The following DHRS4L2 variants were observed in gnomAD, a reference collection of about 807,000 sequenced individuals.
The protein encoded by DHRS4L2 is dehydrogenase/reductase SDR family member 4-like 2.
Under a neutral mutation model 23.9 loss-of-function variants are expected in DHRS4L2, and 22 were observed. The observed-to-expected ratio is 0.92, with a 90% CI of 0.66 to 1.31. The LOEUF (loss-of-function observed/expected upper bound fraction) is 1.31, where lower values mean the gene tolerates loss of function less well. Among genes scored for constraint, DHRS4L2 ranks in the 40% most tolerant of loss-of-function variants. The pLI is 0.00. For missense variants in DHRS4L2, 385 were observed against 303.3 expected (o/e 1.27, Z -2.00); for synonymous variants, 141 against 123.7 (o/e 1.14, Z -0.93).
chr14:24,001,270 ACT>A (rs201590472), intron 5 of DHRS4L2, 112 bp from the exon 6 acceptor site: 37,436 of 1,563,890 alleles, frequency 0.024, 1,206 homozygotes, highest in Middle Eastern at 0.04. Flanking sequence ...CAGTTTCCTA[ACT>A]CTGCCCCTCC....
intron 2 of DHRS4L2, among the ~76,000 whole-genome samples, chr14:23,993,137 C>G (rs2034302426): frequency 6.6e-6 from 1 of 150,878 alleles, no homozygotes; most frequent in Non-Finnish European, 1.5e-5. Context: ...TCCTCCCAGC[C>G]CAAACACATG....
chr14:23,981,687 A>G (rs2034056113), intron 1 of DHRS4L2, among the ~76,000 whole-genome samples: 1 of 151,642 alleles, frequency 6.6e-6, no homozygotes. Context: ...TACTATTTTT[A>G]CTATCTCAGC....
At chr14:23,973,466 C>T (rs1292551379) in intron 1 of DHRS4L2, among the ~76,000 whole-genome samples, 2 of 151,912 alleles carry the variant, frequency 1.3e-5, no homozygotes, top group Non-Finnish European at 2.9e-5. Context: ...GCTCCTCAAG[C>T]GTGGCCAGAG....
chr14:23,971,698 TG>T (rs2033861113), intron 1 of DHRS4L2, among the ~76,000 whole-genome samples: 1 of 152,034 alleles, frequency 6.6e-6, no homozygotes, highest in African/African-American at 2.4e-5. Context: ...AAAAGATTTT[TG>T]AAACTAGAAT....
intron 1 of DHRS4L2, among the ~76,000 whole-genome samples, chr14:23,982,748 C>T (rs1465031341): frequency 3.3e-5 from 5 of 150,904 alleles, no homozygotes; most frequent in Non-Finnish European, 2.9e-5. Flanking sequence ...GCTGGCTAGC[C>T]GTAGGCAGAA....
intron 1 of DHRS4L2, among the ~76,000 whole-genome samples, chr14:23,971,840 A>G (rs2033863549): frequency 6.6e-6 from 1 of 152,086 alleles, no homozygotes; most frequent in Non-Finnish European, 1.5e-5. Context: ...AGCACTAAAC[A>G]TGGAAAGGAA....
rs1048656285 is a variant in DHRS4L2, at chr14:23,991,789, T to A, written c.306+1430T>A. Among the ~76,000 whole-genome samples the A allele has an allele frequency of 1.3e-4, 19 of 149,688 alleles. 1 individual carries two copies. Among genetic ancestry groups the A allele is most frequent in the Admixed American group, 1.3e-3 (19 of 14,986 alleles). On this transcript the variant is annotated intron_variant, in intron 2 of 7. Coordinates refer to ENST00000335125, the MANE Select transcript of DHRS4L2 (RefSeq NM_198083.4). ...TTCATTCTTGTTGCCCAGGCTGAAG[T>A]GATATGGCACAATCTCAGCTCACTG... is the stretch of plus-strand genomic sequence containing the variant.
chr14:23,972,253 C>CA (rs1458713252), intron 1 of DHRS4L2, among the ~76,000 whole-genome samples: 2 of 151,932 alleles, frequency 1.3e-5, no homozygotes, highest in African/African-American at 4.8e-5. Flanking sequence ...CAGACATGTT[C>CA]AGAGTTTCTT....
chr14:23,984,567 C>G (rs1166950261), upstream of DHRS4L2, among the ~76,000 whole-genome samples: 1 of 151,242 alleles, frequency 6.6e-6, no homozygotes, highest in Non-Finnish European at 1.5e-5. Flanking sequence ...GAGGCCAAGG[C>G]AGGAAGATCA....
At chr14:23,977,327 G>A (rs1416337735) in intron 1 of DHRS4L2, among the ~76,000 whole-genome samples, 1 of 151,710 alleles carries the variant, frequency 6.6e-6, no homozygotes, top group African/African-American at 2.4e-5. Context: ...GGCTGGCAGT[G>A]CTGAGCCAGC....
upstream of DHRS4L2, among the ~76,000 whole-genome samples, chr14:23,984,810 A>AC (rs1378347931): frequency 0.015 from 2,218 of 150,098 alleles, 37 homozygotes; most frequent in Non-Finnish European, 0.024. Context: ...CATCTCAAAA[A>AC]AAAAAAAAAA....
upstream of DHRS4L2, among the ~76,000 whole-genome samples, chr14:23,984,053 T>TA (rs937787621): frequency 2.0e-5 from 3 of 150,414 alleles, no homozygotes; most frequent in African/African-American, 4.9e-5. Flanking sequence ...AGAAAAAATG[T>TA]AAAAAAAAGA....
intron 3 of DHRS4L2, among the ~76,000 whole-genome samples, chr14:23,999,998 A>G (rs1197768178): frequency 7.3e-6 from 1 of 136,634 alleles, no homozygotes; most frequent in African/African-American, 3.2e-5. Flanking sequence ...CCCAGCCCTG[A>G]GTTTTTTTTT....
At chr14:23,976,261 G>GA (rs564027411) in intron 1 of DHRS4L2, among the ~76,000 whole-genome samples, 5 of 151,310 alleles carry the variant, frequency 3.3e-5, no homozygotes, top group Admixed American at 2.0e-4. Context: ...AAATTTACAA[G>GA]AAAAAAAATA....
chr14:23,977,731 G>GA (rs1286904216), intron 1 of DHRS4L2, among the ~76,000 whole-genome samples: 3 of 151,244 alleles, frequency 2.0e-5, no homozygotes, highest in Non-Finnish European at 4.4e-5. Flanking sequence ...TGACATCATG[G>GA]AAAAAAACCT....
At chr14:23,991,947 G>T (rs1469723561) in intron 2 of DHRS4L2, among the ~76,000 whole-genome samples, 4 of 151,354 alleles carry the variant, frequency 2.6e-5, no homozygotes, top group African/African-American at 9.7e-5. Flanking sequence ...TGTTGGCCAG[G>T]CTGGTCTTGA....
chr14:23,976,020 A>G (rs1267377854), intron 1 of DHRS4L2, among the ~76,000 whole-genome samples: 2 of 151,288 alleles, frequency 1.3e-5, no homozygotes, highest in African/African-American at 4.9e-5. Context: ...GAAAACCTAG[A>G]CAGTACCATT....
At position 23,988,972 on chromosome 14, in the gene DHRS4L2, C is replaced by T. The variant is rs2034206728; in HGVS notation, c.25C>T (p.Leu9Phe). MQMARLLG[L>F]CAWARKSVRM... ...CATGCAGATGGCCAGGCTGCTAGGC[C>T]TCTGTGCCTGGGCACGGAAGTCGGT... Residue 9 changes from leucine to phenylalanine, a missense_variant, in exon 1 of 8, where the codon CTC (leucine) becomes TTC (phenylalanine). By Grantham distance (22) the Leu-to-Phe change is conservative (BLOSUM62 0). Transcript: ENST00000335125. 3 of 1,612,060 alleles carry T rather than the reference C, an allele frequency of 1.9e-6. No homozygotes were observed. Among genetic ancestry groups the T allele is most frequent in the African/African-American group, 1.3e-5 (1 of 74,840 alleles).
chr14:23,971,660 T>G (rs1214935936), intron 1 of DHRS4L2, among the ~76,000 whole-genome samples: 1 of 151,540 alleles, frequency 6.6e-6, no homozygotes, highest in Non-Finnish European at 1.5e-5. Flanking sequence ...CAGAAAAGAG[T>G]TGGGACCAAT....
Sources: allele counts gnomAD v4.1 joint callset (sites outside exome capture counted in the v4.1 genomes callset), GRCh38; gene constraint gnomAD v4.1.1; transcripts MANE v1.5; gene names NCBI Gene and HGNC (gene_info 2026-07-23, HGNC 2026-07-21).